The following PATJ variants were observed in gnomAD, a reference collection of about 807,000 sequenced individuals.
The protein encoded by PATJ is inaD-like protein.
Under a neutral mutation model 224.9 loss-of-function variants are expected in PATJ, and 190 were observed. The ratio of observed to expected loss-of-function variants is 0.84; its 90% CI spans 0.75 to 0.95. The LOEUF (loss-of-function observed/expected upper bound fraction) is 0.95, where lower values mean the gene tolerates loss of function less well. Ranked by LOEUF, PATJ falls within the 40% of genes least tolerant of loss-of-function variation. PATJ has a pLI of 0.00. For missense variants in PATJ, 2,121 were observed against 2,270.3 expected (o/e 0.93, Z 1.34); for synonymous variants, 769 against 820.3 (o/e 0.94, Z 1.07).
chr1:62,013,598 T>A, intron 28 of PATJ: 1 of 752,896 alleles, frequency 1.3e-6, no homozygotes, highest in Non-Finnish European at 1.6e-6. Context: ...TGTGTTGTGG[T>A]ATAAGTGCAA....
At chr1:61,852,435 C>A (rs1662978132) in intron 17 of PATJ, 1 of 152,040 alleles carries the variant, frequency 6.6e-6, no homozygotes, top group Non-Finnish European at 1.5e-5. Context: ...GTGATAAAAA[C>A]TGATGGGGAT....
At chr1:62,153,678 T>C (rs1268445422) in intron 43 of PATJ, among the ~76,000 whole-genome samples, 197 bp downstream of exon 43, 1 of 152,128 alleles carries the variant, frequency 6.6e-6, no homozygotes, top group Non-Finnish European at 1.5e-5. Flanking sequence ...TCACAAGAAG[T>C]GCAGTCTCCT....
chr1:61,858,964 G>GCCAACCAACAGATGA (rs1664136434), intron 18 of PATJ, among the ~76,000 whole-genome samples: 1 of 152,110 alleles, frequency 6.6e-6, no homozygotes, highest in Non-Finnish European at 1.5e-5. Flanking sequence ...ATGCCATGAG[G>GCCAACCAACAGATGA]TGCTTGGTTT....
At chr1:61,927,652 T>G (rs1675413681) in intron 26 of PATJ, 78 bp from the exon 27 acceptor site, 1 of 899,882 alleles carries the variant, frequency 1.1e-6, no homozygotes, top group African/African-American at 1.7e-5. Flanking sequence ...CCAGACTATC[T>G]TTTTATGCTT....
chr1:61,839,457 G>T (rs752007357), intron 17 of PATJ, among the ~76,000 whole-genome samples: 4 of 151,838 alleles, frequency 2.6e-5, no homozygotes, highest in Non-Finnish European at 5.9e-5. Flanking sequence ...CAAGTAATTT[G>T]TTGTGGGTTA....
chr1:62,153,843 A>G (rs1668875753), intron 43 of PATJ, among the ~76,000 whole-genome samples: 1 of 152,174 alleles, frequency 6.6e-6, no homozygotes, highest in Admixed American at 6.6e-5. Flanking sequence ...TCTTGAAAAT[A>G]ACAGGCACCA....
chr1:61,977,908 A>C (rs1279586019), intron 27 of PATJ, among the ~76,000 whole-genome samples: 1 of 151,598 alleles, frequency 6.6e-6, no homozygotes, highest in Non-Finnish European at 1.5e-5. Flanking sequence ...AACTTAAAAA[A>C]ATTTTTTTAA....
chr1:62,135,287 T>TGG (rs111837829), intron 41 of PATJ, among the ~76,000 whole-genome samples: 1 of 150,888 alleles, frequency 6.6e-6, no homozygotes, highest in Non-Finnish European at 1.5e-5. Flanking sequence ...GAGGCCGAGG[T>TGG]GGGGGGGATC....
At chr1:62,067,407 A>G (rs1455684885) in intron 31 of PATJ, among the ~76,000 whole-genome samples, 1 of 152,012 alleles carries the variant, frequency 6.6e-6, no homozygotes, top group South Asian at 2.1e-4. Flanking sequence ...GATTACAGAT[A>G]TGAGCCACCA....
intron 13 of PATJ, among the ~76,000 whole-genome samples, 156 bp downstream of exon 13, chr1:61,805,680 C>T (rs959023302): frequency 1.3e-5 from 2 of 151,848 alleles, no homozygotes; most frequent in African/African-American, 4.8e-5. Flanking sequence ...CGATTTTTTT[C>T]CCCCCATCTT....
chr1:61,995,500 C>A (rs1645299790), intron 28 of PATJ, among the ~76,000 whole-genome samples: 1 of 152,178 alleles, frequency 6.6e-6, no homozygotes, highest in African/African-American at 2.4e-5. Flanking sequence ...AACTCAGCTT[C>A]TCTTTGAGAG....
chr1:61,907,672 G>C (rs978790784), intron 24 of PATJ, among the ~76,000 whole-genome samples: 2 of 152,130 alleles, frequency 1.3e-5, no homozygotes, highest in African/African-American at 2.4e-5. Context: ...TATCCGTTGA[G>C]ACCACAGAAC....
chr1:62,088,275 C>T (rs1660285634), intron 33 of PATJ, among the ~76,000 whole-genome samples: 1 of 152,200 alleles, frequency 6.6e-6, no homozygotes, highest in African/African-American at 2.4e-5. Flanking sequence ...CTAGCTCCCA[C>T]TTTATGTAGA....
intron 41 of PATJ, among the ~76,000 whole-genome samples, chr1:62,136,723 G>T (rs1451438343): frequency 6.6e-6 from 1 of 151,302 alleles, no homozygotes; most frequent in African/African-American, 2.4e-5. Context: ...TTGTTTTTTT[G>T]AGACAGGGTC....
chr1:61,782,293 A>G (rs979264039), intron 7 of PATJ, among the ~76,000 whole-genome samples: 9 of 152,318 alleles, frequency 5.9e-5, no homozygotes, highest in East Asian at 3.9e-4. Flanking sequence ...TGAAAATTCA[A>G]TGTTAATCAA....
At chr1:61,962,396 A>G (rs928467228) in intron 27 of PATJ, among the ~76,000 whole-genome samples, 3 of 152,182 alleles carry the variant, frequency 2.0e-5, no homozygotes, top group Non-Finnish European at 2.9e-5. Context: ...TTCTGTCTCG[A>G]TATTTTTTCC....
At chr1:62,112,043 A>G (rs1663890182) in intron 34 of PATJ, among the ~76,000 whole-genome samples, 1 of 152,182 alleles carries the variant, frequency 6.6e-6, no homozygotes, top group South Asian at 2.1e-4. Context: ...ACCAGAAAAT[A>G]AACAGCAGCT....
chr1:61,827,393 A>G (rs765983935), intron 15 of PATJ, 29 bp from the exon 16 acceptor site: 2 of 1,556,302 alleles, frequency 1.3e-6, no homozygotes. Context: ...GGGCTGGCTC[A>G]GTTCTGACTT....
At chr1:61,750,357 A>G (rs1645250602) in intron 1 of PATJ, among the ~76,000 whole-genome samples, 1 of 151,104 alleles carries the variant, frequency 6.6e-6, no homozygotes, top group South Asian at 2.1e-4. Context: ...ATTAATAATA[A>G]TTAGTGGATG....
Sources: allele counts gnomAD v4.1 joint callset (sites outside exome capture counted in the v4.1 genomes callset), GRCh38; gene constraint gnomAD v4.1.1; transcripts MANE v1.5; gene names NCBI Gene and HGNC (gene_info 2026-07-23, HGNC 2026-07-21).